The following UBR2 variants were observed in gnomAD, a reference collection of about 807,000 sequenced individuals.
UBR2 encodes ubiquitin protein ligase E3 component n-recognin 2.
A neutral mutation model predicts 247.9 loss-of-function variants in UBR2; 92 were observed. That is an observed-to-expected ratio of 0.37 (90% confidence interval 0.31 to 0.44). UBR2 has a LOEUF of 0.44. Among genes scored for constraint, UBR2 ranks in the 20% least tolerant of loss-of-function variants. The pLI is 1.00. For synonymous variants in UBR2, 672 were observed against 693.5 expected (o/e 0.97, Z 0.49); for missense variants, 1,613 against 2,112.6 (o/e 0.76, Z 4.64).
chr6:42,677,451 A>G (rs755593221), intron 40 of UBR2, among the ~76,000 whole-genome samples: 38 of 152,108 alleles, frequency 2.5e-4, no homozygotes, highest in Non-Finnish European at 4.7e-4. Context: ...AAAATAATTC[A>G]ACATATAGAA....
At chr6:42,611,568 T>C (rs541045714) in intron 7 of UBR2, among the ~76,000 whole-genome samples, 1 of 152,086 alleles carries the variant, frequency 6.6e-6, no homozygotes, top group South Asian at 2.1e-4. Flanking sequence ...AACATTTAAA[T>C]CATTTATTAT....
intron 11 of UBR2, among the ~76,000 whole-genome samples, chr6:42,628,748 G>A (rs953640792): frequency 2.0e-5 from 3 of 148,686 alleles, no homozygotes; most frequent in African/African-American, 7.4e-5. Flanking sequence ...AAAAAATAGT[G>A]CTTATAATTC....
chr6:42,632,480 G>C, intron 11 of UBR2, 72 bp from the exon 12 acceptor site: 1 of 1,350,790 alleles, frequency 7.4e-7, no homozygotes, highest in Non-Finnish European at 9.8e-7. Context: ...AAACAATGTT[G>C]GTGACTTTTT....
intron 8 of UBR2, among the ~76,000 whole-genome samples, chr6:42,614,023 A>C (rs941284853): frequency 6.6e-6 from 1 of 150,928 alleles, no homozygotes; most frequent in East Asian, 1.9e-4. Context: ...CTAAAAATAC[A>C]AAAATTAGCC....
At chr6:42,617,194 A>T in intron 10 of UBR2, 4 of 1,564,180 alleles carry the variant, frequency 2.6e-6, no homozygotes, top group Non-Finnish European at 3.5e-6. Context: ...ATCCTTAAAC[A>T]TTTGGTCATT....
At chr6:42,662,748 T>C (rs761539) in intron 31 of UBR2, among the ~76,000 whole-genome samples, 102,128 of 151,950 alleles carry the variant, frequency 0.67, 34,527 homozygotes, top group East Asian at 0.88. Flanking sequence ...TCAATAATAC[T>C]ATTATTCTAG....
chr6:42,613,394 AAG>A (rs1228358553), intron 8 of UBR2, among the ~76,000 whole-genome samples: 2 of 152,192 alleles, frequency 1.3e-5, no homozygotes, highest in African/African-American at 4.8e-5. Context: ...GTGGAAGATT[AAG>A]AGAACGCGTT....
chr6:42,635,364 AT>A, intron 13 of UBR2, 53 bp from the exon 14 acceptor site: 2 of 1,547,864 alleles, frequency 1.3e-6, no homozygotes, highest in Non-Finnish European at 1.8e-6. Flanking sequence ...AGGTTTCCAT[AT>A]AAAAGAACAA....
intron 38 of UBR2, among the ~76,000 whole-genome samples, chr6:42,674,770 AAAC>A (rs886715583): frequency 7.2e-5 from 11 of 152,088 alleles, no homozygotes; most frequent in Non-Finnish European, 1.5e-4. Flanking sequence ...AAAAAAAAAA[AAAC>A]AGCAACAGAA....
intron 15 of UBR2, 126 bp downstream of exon 15, chr6:42,637,320 A>T (rs1796159214): frequency 9.5e-7 from 1 of 1,057,682 alleles, no homozygotes; most frequent in East Asian, 2.6e-5. Flanking sequence ...TAACTTATCC[A>T]ATCATCACAT....
chr6:42,621,621 C>T (rs1331790327), intron 11 of UBR2, among the ~76,000 whole-genome samples: 1 of 152,044 alleles, frequency 6.6e-6, no homozygotes, highest in East Asian at 1.9e-4. Context: ...CGCCACCACA[C>T]CTGGCTAATT....
chr6:42,645,120 G>A (rs1231260329), intron 20 of UBR2, among the ~76,000 whole-genome samples: 1 of 152,122 alleles, frequency 6.6e-6, no homozygotes, highest in Non-Finnish European at 1.5e-5. Context: ...CCACTAGATA[G>A]TAGGGGAAAG....
At chr6:42,610,699 G>T (rs1648666118) in intron 7 of UBR2, among the ~76,000 whole-genome samples, 1 of 152,098 alleles carries the variant, frequency 6.6e-6, no homozygotes, top group African/African-American at 2.4e-5. Context: ...AAGTAGCAGG[G>T]ACTTGCTCTT....
At chr6:42,591,429 A>G (rs889860951) in intron 2 of UBR2, among the ~76,000 whole-genome samples, 1 of 152,172 alleles carries the variant, frequency 6.6e-6, no homozygotes, top group Admixed American at 6.5e-5. Flanking sequence ...AATTGTCTAG[A>G]TTCTCTTAAG....
At chr6:42,631,878 AT>A (rs1186805650) in intron 11 of UBR2, among the ~76,000 whole-genome samples, 8 of 140,274 alleles carry the variant, frequency 5.7e-5, no homozygotes, top group African/African-American at 2.1e-4. Context: ...ATATATATAT[AT>A]ATATATATAT....
At chr6:42,624,270 G>A (rs1235092288) in intron 11 of UBR2, among the ~76,000 whole-genome samples, 1 of 151,664 alleles carries the variant, frequency 6.6e-6, no homozygotes, top group Non-Finnish European at 1.5e-5. Flanking sequence ...CCAAGTAGCT[G>A]GGAGTACAGG....
chr6:42,644,992 A>G lies in UBR2; in HGVS notation c.2284+456A>G, dbSNP rs188611425. ...ATGTGGATTTCTTCCCTTATTACCT[A>G]TATTTTCAGTCCTTTACTACTGTTT... On this transcript the variant is annotated intron_variant, in intron 20 of 46. Coordinates refer to ENST00000372901, the MANE Select transcript of UBR2 (RefSeq NM_001363705.2). 1.8e-4 allele frequency among the ~76,000 whole-genome samples: 27 copies of G among 152,230 alleles called. No individual in the cohort carries two copies. The East Asian group carries it at 4.2e-3, about 24-fold the overall frequency.
chr6:42,592,305 C>T, intron 3 of UBR2, 76 bp downstream of exon 3: 1 of 1,208,546 alleles, frequency 8.3e-7, no homozygotes, highest in Non-Finnish European at 1.1e-6. Flanking sequence ...TTTCAAAATG[C>T]AAAGATTTAA....
intron 5 of UBR2, among the ~76,000 whole-genome samples, chr6:42,605,167 C>T (rs1037229560): frequency 6.6e-5 from 10 of 152,160 alleles, no homozygotes; most frequent in Non-Finnish European, 1.5e-4. Context: ...CACCTTAGCA[C>T]CTTTGCTTTC....
Sources: gnomAD v4.1 joint callset for allele counts (sites outside exome capture counted in the v4.1 genomes callset) on GRCh38, gnomAD v4.1.1 for gene constraint, MANE v1.5 for transcripts, NCBI Gene and HGNC (gene_info 2026-07-23, HGNC 2026-07-21) for gene names.